SPOCK3: variants seen among roughly 807,000 people sequenced by gnomAD.
SPOCK3 encodes the protein SPARC (osteonectin), cwcv and kazal like domains proteoglycan 3.
SPOCK3 carries 30 observed loss-of-function variants against 56.6 expected under a neutral mutation model. The ratio of observed to expected loss-of-function variants is 0.53; its 90% CI spans 0.40 to 0.72. SPOCK3 has a LOEUF of 0.72. SPOCK3 is among the 30% of genes least tolerant of loss of function. SPOCK3 has a pLI of 0.00. For missense variants in SPOCK3, 527 were observed against 530.0 expected, an observed-to-expected ratio of 0.99 and a Z score of 0.06; for synonymous variants, 196 against 183.3, an observed-to-expected ratio of 1.07 and a Z score of -0.56.
At chr4:167,075,001 A>C (rs1180717749) in intron 2 of SPOCK3, among the ~76,000 whole-genome samples, 1 of 151,948 alleles carries the variant, frequency 6.6e-6, no homozygotes, top group Non-Finnish European at 1.5e-5. Flanking sequence ...GTTTAGGAAC[A>C]TTCCATTTCC....
intron 2 of SPOCK3, among the ~76,000 whole-genome samples, chr4:167,200,704 A>G (rs1450327979): frequency 6.6e-6 from 1 of 152,070 alleles, no homozygotes; most frequent in Non-Finnish European, 1.5e-5. Context: ...CACAAGATTA[A>G]CTATCAATTT....
At chr4:167,077,672 C>T (rs151008746) in intron 2 of SPOCK3, among the ~76,000 whole-genome samples, 1,849 of 151,884 alleles carry the variant, frequency 0.012, 21 homozygotes, top group Non-Finnish European at 0.018. Flanking sequence ...TTCATTTTAT[C>T]GATGCTCTGT....
intron 2 of SPOCK3, among the ~76,000 whole-genome samples, chr4:167,101,054 T>C (rs907059671): frequency 2.0e-5 from 3 of 152,084 alleles, no homozygotes; most frequent in Admixed American, 2.0e-4. Context: ...AGTCTCGACA[T>C]TCTCATTAAT....
At chr4:167,000,581 C>T (rs1013686597) in intron 3 of SPOCK3, 118 bp from the exon 4 acceptor site, 13 of 549,426 alleles carry the variant, frequency 2.4e-5, no homozygotes, top group Non-Finnish European at 3.8e-5. Context: ...ACTTTCTTCA[C>T]ATTCTTTCTC....
At chr4:166,802,516 T>C (rs750895776) in intron 6 of SPOCK3, among the ~76,000 whole-genome samples, 7 of 152,168 alleles carry the variant, frequency 4.6e-5, no homozygotes, top group Non-Finnish European at 7.4e-5. Context: ...TTTATTGTTA[T>C]GTTTTCACAT....
intron 2 of SPOCK3, among the ~76,000 whole-genome samples, chr4:167,113,885 C>A (rs566132138): frequency 1.3e-5 from 2 of 152,210 alleles, no homozygotes; most frequent in African/African-American, 4.8e-5. Context: ...CTGCTTCCCA[C>A]TCTCTAAACC....
intron 7 of SPOCK3, among the ~76,000 whole-genome samples, chr4:166,774,664 C>A (rs1216434907): frequency 6.6e-6 from 1 of 152,158 alleles, no homozygotes; most frequent in South Asian, 2.1e-4. Context: ...CAGATCACAG[C>A]TGCCTCTGAC....
intron 6 of SPOCK3, among the ~76,000 whole-genome samples, chr4:166,843,024 C>T (rs1364994071): frequency 8.5e-5 from 13 of 152,206 alleles, no homozygotes; most frequent in Admixed American, 1.3e-4. Context: ...AGTGGGCCGG[C>T]GCTGCTGGGG....
intron 6 of SPOCK3, among the ~76,000 whole-genome samples, chr4:166,847,681 A>ATAT (rs1560926812): frequency 8.8e-5 from 8 of 91,220 alleles, no homozygotes; most frequent in African/African-American, 1.3e-4. Context: ...ATATATATAT[A>ATAT]AGAATCATGT....
chr4:167,062,489 T>G lies in SPOCK3; in HGVS notation c.235+3A>C. The G allele has an allele frequency of 6.3e-7, 1 of 1,594,920 alleles. No individual in the cohort carries two copies. Among genetic ancestry groups the G allele is most frequent in the Non-Finnish European group, 8.6e-7 (1 of 1,164,560 alleles). On this transcript the variant is annotated splice_donor_region_variant and intron_variant, in intron 3 of 10. Coordinates refer to ENST00000357545, the MANE Select transcript of SPOCK3 (RefSeq NM_001040159.2). ...TTTTATTTTAAAATAGTTAGATTCT[T>G]ACCCTGATCGAAGGGTTTTCCTGGA...
intron 4 of SPOCK3, among the ~76,000 whole-genome samples, chr4:166,971,727 T>C (rs1016735471): frequency 6.6e-6 from 1 of 152,150 alleles, no homozygotes; most frequent in South Asian, 2.1e-4. Flanking sequence ...ACTAAAGTAA[T>C]GCATTCCCTA....
chr4:167,161,563 C>T (rs1015388566), intron 2 of SPOCK3, among the ~76,000 whole-genome samples: 7 of 151,970 alleles, frequency 4.6e-5, no homozygotes, highest in African/African-American at 1.7e-4. Flanking sequence ...GGATTATAAA[C>T]CATGCTGCTA....
intron 2 of SPOCK3, among the ~76,000 whole-genome samples, chr4:167,214,714 A>C (rs1157923879): frequency 6.6e-6 from 1 of 152,120 alleles, no homozygotes; most frequent in East Asian, 1.9e-4. Context: ...GAATCATTTG[A>C]GTCTTAATAG....
intron 6 of SPOCK3, among the ~76,000 whole-genome samples, chr4:166,837,863 C>T (rs1039103850): frequency 6.6e-6 from 1 of 151,968 alleles, no homozygotes; most frequent in Non-Finnish European, 1.5e-5. Flanking sequence ...GCTGTGGTTG[C>T]TACAAATTTT....
chr4:167,038,947 G>A (rs1330057190), intron 3 of SPOCK3, among the ~76,000 whole-genome samples: 1 of 152,034 alleles, frequency 6.6e-6, no homozygotes, highest in Non-Finnish European at 1.5e-5. Flanking sequence ...TTCATTTCCT[G>A]GTACTGCTGT....
intron 6 of SPOCK3, among the ~76,000 whole-genome samples, chr4:166,851,914 T>C (rs1342829840): frequency 6.6e-6 from 1 of 151,656 alleles, no homozygotes; most frequent in Non-Finnish European, 1.5e-5. Flanking sequence ...CCAACAATGA[T>C]AGATTGGATT....
chr4:167,203,195 T>C (rs143033090), intron 2 of SPOCK3, among the ~76,000 whole-genome samples: 1 of 152,130 alleles, frequency 6.6e-6, no homozygotes, highest in Admixed American at 6.6e-5. Flanking sequence ...TTATGAGTAG[T>C]ATTACTACAG....
chr4:166,813,248 G>A lies in SPOCK3; in HGVS notation c.590-20959C>T, dbSNP rs575561979. Among the ~76,000 whole-genome samples, 20 of 152,014 alleles carry A rather than the reference G, an allele frequency of 1.3e-4. No homozygotes were observed. In the East Asian group the frequency reaches 3.7e-3, roughly 28 times the overall value. On this transcript the variant is annotated intron_variant, in intron 6 of 10. Transcript: ENST00000357545. Reference sequence around the variant, plus strand: ...ACAAAGGCTAAATAACTGCACAATCGAATAAGCAATAAATATCCAGGGAAG... The same window carrying A: ...ACAAAGGCTAAATAACTGCACAATCAAATAAGCAATAAATATCCAGGGAAG...
chr4:166,807,185 T>C (rs1289814245), intron 6 of SPOCK3, among the ~76,000 whole-genome samples: 1 of 151,602 alleles, frequency 6.6e-6, no homozygotes, highest in Non-Finnish European at 1.5e-5. Flanking sequence ...TGTTGCTGAG[T>C]TTTGCAAGTA....
Sources: gnomAD v4.1 joint callset for allele counts (sites outside exome capture counted in the v4.1 genomes callset) on GRCh38, gnomAD v4.1.1 for gene constraint, MANE v1.5 for transcripts, NCBI Gene and HGNC (gene_info 2026-07-23, HGNC 2026-07-21) for gene names.